Variants in MLLT10 observed in about 807,000 individuals in gnomAD.
The protein encoded by MLLT10 is protein AF-10.
MLLT10 carries 30 observed loss-of-function variants against 129.1 expected under a neutral mutation model. The observed-to-expected ratio is 0.23, with a 90% CI of 0.17 to 0.32. The LOEUF (loss-of-function observed/expected upper bound fraction) is 0.32. MLLT10 is among the 10% of genes least tolerant of loss of function. The pLI, the probability that MLLT10 is intolerant of heterozygous loss-of-function variation, is 1.00. For synonymous variants in MLLT10, 490 were observed against 446.4 expected (o/e 1.10, Z -1.23); for missense variants, 1,119 against 1,268.3 (o/e 0.88, Z 1.79).
intron 8 of MLLT10, among the ~76,000 whole-genome samples, chr10:21,628,650 C>A (rs970723880): frequency 2.0e-5 from 3 of 151,308 alleles, no homozygotes; most frequent in Non-Finnish European, 2.9e-5. Flanking sequence ...CCATGTCGGT[C>A]AGGCTGGTTT....
At chr10:21,648,450 G>GTTTT (rs2048721366) in intron 8 of MLLT10, among the ~76,000 whole-genome samples, 5 of 152,192 alleles carry the variant, frequency 3.3e-5, no homozygotes, top group African/African-American at 1.2e-4. Context: ...CAAGTTGTTA[G>GTTTT]GGTTTGTTTG....
At chr10:21,702,376 GA>G (rs1206292530) in intron 13 of MLLT10, among the ~76,000 whole-genome samples, 2 of 152,182 alleles carry the variant, frequency 1.3e-5, no homozygotes, top group African/African-American at 4.8e-5. Context: ...CTGTCCTGGA[GA>G]ATGTTCCATA....
At chr10:21,651,002 C>G (rs1236084706) in intron 8 of MLLT10, among the ~76,000 whole-genome samples, 1 of 152,062 alleles carries the variant, frequency 6.6e-6, no homozygotes, top group Non-Finnish European at 1.5e-5. Context: ...CTTTAAAGTA[C>G]TATTTTAAAA....
chr10:21,562,837 T>TTTTTTTTTTTTTTTTTC (rs2039027300), intron 3 of MLLT10, among the ~76,000 whole-genome samples: 1 of 144,042 alleles, frequency 6.9e-6, no homozygotes, highest in Non-Finnish European at 1.5e-5. Flanking sequence ...TTTTTTTTTT[T>TTTTTTTTTTTTTTTTTC]TGAGACAGTT....
At chr10:21,577,054 C>T (rs1258878118) in intron 3 of MLLT10, among the ~76,000 whole-genome samples, 2 of 152,218 alleles carry the variant, frequency 1.3e-5, no homozygotes, top group African/African-American at 4.8e-5. Context: ...TCCCCAGCTC[C>T]TGACAATCAC....
chr10:21,580,434 G>C (rs950685178), intron 3 of MLLT10, among the ~76,000 whole-genome samples: 3 of 150,260 alleles, frequency 2.0e-5, no homozygotes, highest in African/African-American at 7.4e-5. Context: ...TGTCACCCAG[G>C]CTGGAGTGCA....
chr10:21,599,481 C>T (rs2043320181), intron 5 of MLLT10, among the ~76,000 whole-genome samples: 1 of 152,070 alleles, frequency 6.6e-6, no homozygotes, highest in South Asian at 2.1e-4. Flanking sequence ...CCAAATCTAG[C>T]CCAACAAAAC....
At chr10:21,685,526 G>T (rs934454351) in intron 13 of MLLT10, among the ~76,000 whole-genome samples, 3 of 152,022 alleles carry the variant, frequency 2.0e-5, no homozygotes, top group African/African-American at 7.2e-5. Flanking sequence ...GTAGAGACAG[G>T]GTTTCACCAT....
intron 13 of MLLT10, among the ~76,000 whole-genome samples, chr10:21,697,189 G>A (rs550459475): frequency 7.3e-5 from 11 of 151,406 alleles, no homozygotes; most frequent in Non-Finnish European, 1.3e-4. Context: ...GAAATAGGCC[G>A]GGCATGGTGG....
intron 3 of MLLT10, among the ~76,000 whole-genome samples, chr10:21,576,857 G>A (rs887110010): frequency 2.6e-5 from 4 of 151,312 alleles, no homozygotes; most frequent in East Asian, 3.9e-4. Flanking sequence ...TTTTGAACTC[G>A]CGACCTCAGG....
chr10:21,600,097 A>T (rs2043378926), intron 5 of MLLT10, among the ~76,000 whole-genome samples: 1 of 152,198 alleles, frequency 6.6e-6, no homozygotes. Flanking sequence ...TTGAATCATT[A>T]CTAAATTATT....
intron 15 of MLLT10, among the ~76,000 whole-genome samples, chr10:21,727,541 C>T (rs1289770512): frequency 6.6e-6 from 1 of 152,058 alleles, no homozygotes; most frequent in African/African-American, 2.4e-5. Flanking sequence ...TTACTTTAAC[C>T]GTAGAAATTA....
chr10:21,591,413 A>G (rs1337034688), intron 4 of MLLT10, among the ~76,000 whole-genome samples: 1 of 152,084 alleles, frequency 6.6e-6, no homozygotes, highest in Non-Finnish European at 1.5e-5. Context: ...TCTCTTGACT[A>G]TCTTAGTCTA....
At chr10:21,565,329 A>G (rs1444634230) in intron 3 of MLLT10, among the ~76,000 whole-genome samples, 1 of 151,994 alleles carries the variant, frequency 6.6e-6, no homozygotes, top group Non-Finnish European at 1.5e-5. Context: ...TTTGTTTGAG[A>G]TGGAATCTTG....
intron 8 of MLLT10, among the ~76,000 whole-genome samples, chr10:21,640,251 T>C (rs1436977134): frequency 1.4e-5 from 2 of 144,166 alleles, no homozygotes; most frequent in African/African-American, 2.5e-5. Flanking sequence ...TAAATATTTA[T>C]ATTACATAAT....
chr10:21,632,256 T>C (rs1446829524), intron 8 of MLLT10, among the ~76,000 whole-genome samples: 1 of 152,192 alleles, frequency 6.6e-6, no homozygotes, highest in East Asian at 1.9e-4. Flanking sequence ...CTGAATTGGC[T>C]GAGGATTAAC....
At chr10:21,661,277 G>A (rs1247681235) in intron 9 of MLLT10, among the ~76,000 whole-genome samples, 1 of 152,206 alleles carries the variant, frequency 6.6e-6, no homozygotes, top group Non-Finnish European at 1.5e-5. Flanking sequence ...GTCATCTGCT[G>A]TTGTTGGACG....
At chr10:21,583,672 C>T (rs4515872) in intron 3 of MLLT10, among the ~76,000 whole-genome samples, 1,804 of 152,180 alleles carry the variant, frequency 0.012, 31 homozygotes, top group African/African-American at 0.041. Flanking sequence ...AGGTGGCAGG[C>T]TCTTTTTACC....
At chr10:21,731,828 G>T (rs1001926238) in intron 17 of MLLT10, among the ~76,000 whole-genome samples, 1 of 152,112 alleles carries the variant, frequency 6.6e-6, no homozygotes, top group East Asian at 1.9e-4. Flanking sequence ...GGAAAAATAG[G>T]TGGTTTTCAT....
Sources: allele counts gnomAD v4.1 joint callset (sites outside exome capture counted in the v4.1 genomes callset), GRCh38; gene constraint gnomAD v4.1.1; transcripts MANE v1.5; gene names NCBI Gene and HGNC (gene_info 2026-07-23, HGNC 2026-07-21).